Variants in STAB2 observed in about 807,000 individuals in gnomAD.
The protein encoded by STAB2 is stabilin 2, also known as stabilin-2.
STAB2 carries 288 observed loss-of-function variants against 338.1 expected under a neutral mutation model. That is an observed-to-expected ratio of 0.85 (90% CI 0.77 to 0.94). STAB2 has a LOEUF of 0.94. Ranked by LOEUF, STAB2 falls within the 40% of genes least tolerant of loss-of-function variation. The probability of loss-of-function intolerance (pLI) is 0.00; values close to 1 mark genes in which losing one functional copy is unlikely to be tolerated. For missense variants in STAB2, 3,141 were observed against 3,210.1 expected, an observed-to-expected ratio of 0.98 and a Z score of 0.52; for synonymous variants, 1,202 against 1,193.3, an observed-to-expected ratio of 1.01 and a Z score of -0.15.
In STAB2 at chr12:103,594,525, G is replaced by T; in HGVS notation, c.331+15G>T. On this transcript the variant is annotated intron_variant, in intron 3 of 68. Coordinates refer to ENST00000388887, the MANE Select transcript of STAB2 (RefSeq NM_017564.10). ...AGACTGTATAGGTAAGTGGCACAAT[G>T]CTTGGACTTTGAGACTTGCTTCTTG... 1 of 1,593,504 alleles carries T rather than the reference G, an allele frequency of 6.3e-7. No homozygotes were observed. The highest frequency in any genetic ancestry group is 8.6e-7 in the Non-Finnish European group (1 of 1,161,640).
At chr12:103,677,806 G>T (rs1876528670) in intron 25 of STAB2, among the ~76,000 whole-genome samples, 195 bp downstream of exon 25, 1 of 152,144 alleles carries the variant, frequency 6.6e-6, no homozygotes, top group Non-Finnish European at 1.5e-5. Context: ...GGAAATTGAG[G>T]CAATGAGAAG....
chr12:103,672,315 C>A (rs1875878993), intron 22 of STAB2, among the ~76,000 whole-genome samples: 1 of 152,136 alleles, frequency 6.6e-6, no homozygotes, highest in African/African-American at 2.4e-5. Flanking sequence ...AGAAAAAAAT[C>A]AGGGTTTATC....
chr12:103,742,238 A>G (rs1016416406), intron 55 of STAB2, among the ~76,000 whole-genome samples, 167 bp from the exon 56 acceptor site: 3 of 152,196 alleles, frequency 2.0e-5, no homozygotes, highest in African/African-American at 7.2e-5. Flanking sequence ...CAGATACCAT[A>G]AAGTTCATGT....
intron 17 of STAB2, among the ~76,000 whole-genome samples, chr12:103,661,139 C>T (rs1463487266): frequency 6.7e-6 from 1 of 150,012 alleles, no homozygotes; most frequent in Non-Finnish European, 1.5e-5. Flanking sequence ...CCAGGAGGTC[C>T]TCATTGAGGA....
Position 103,706,985 on chromosome 12 carries a change from A to C in STAB2, c.4190A>C (p.Gln1397Pro). The C allele has an allele frequency of 6.2e-7, 1 of 1,614,102 alleles. No individual in the cohort carries two copies. The highest frequency in any genetic ancestry group is 8.5e-7 in the Non-Finnish European group (1 of 1,180,004). Residue 1397 changes from glutamine (Q) to proline (P), a missense_variant and splice_region_variant, in exon 38 of 69, where the codon CAA (glutamine) becomes CCA (proline). Physicochemically the swap from Gln to Pro is moderately conservative, Grantham distance 76. Coordinates refer to ENST00000388887, the MANE Select transcript of STAB2 (RefSeq NM_017564.10). ...GGCAAGTACGGCATCCACTGTGACC[A>C]AGGTGAGCACCGTCCTCTCCACAGA... ...TEGKYGIHCD[Q>P]ACSCVHGRCN...
intron 5 of STAB2, among the ~76,000 whole-genome samples, chr12:103,622,828 C>G (rs1171338716): frequency 6.6e-6 from 1 of 152,228 alleles, no homozygotes; most frequent in African/African-American, 2.4e-5. Context: ...TGTTCTTTGC[C>G]TGCCCAGCTT....
chr12:103,633,196 A>G (rs577606533), intron 6 of STAB2, among the ~76,000 whole-genome samples: 5 of 152,344 alleles, frequency 3.3e-5, no homozygotes, highest in African/African-American at 1.2e-4. Flanking sequence ...TCAGTAAGGC[A>G]GGAGACCCAG....
chr12:103,668,497 C>T (rs551316066), intron 19 of STAB2, 146 bp from the exon 20 acceptor site: 1 of 695,886 alleles, frequency 1.4e-6, no homozygotes, highest in African/African-American at 1.8e-5. Flanking sequence ...CTGATGTAGA[C>T]CCAGGTCTGC....
At position 103,759,306 on chromosome 12, in the gene STAB2, G is replaced by A. The variant is rs761228922; in HGVS notation, c.7248+33G>A. On this transcript the variant is annotated intron_variant, in intron 65 of 68. Coordinates refer to ENST00000388887, the MANE Select transcript of STAB2 (RefSeq NM_017564.10). ...GTCTTCTGGGCTTCTTGGGGGAACG[G>A]GAGATAATGCATGCAAAGTTCCTGG... The A allele has an allele frequency of 8.7e-6, 14 of 1,606,924 alleles. 1 individual carries two copies. In the South Asian group the frequency reaches 1.6e-4, roughly 18 times the overall value.
At chr12:103,719,773 C>T (rs1362551874) in intron 44 of STAB2, among the ~76,000 whole-genome samples, 1 of 152,200 alleles carries the variant, frequency 6.6e-6, no homozygotes, top group East Asian at 1.9e-4. Context: ...CAGTTCAACC[C>T]ACTAGGCTGT....
chr12:103,649,506 A>C (rs1015035594), intron 10 of STAB2, among the ~76,000 whole-genome samples: 1 of 152,242 alleles, frequency 6.6e-6, no homozygotes, highest in Non-Finnish European at 1.5e-5. Context: ...AGCCGTTCTG[A>C]AAAAAGTAAA....
chr12:103,758,507 G>A (rs1372782460), intron 64 of STAB2, among the ~76,000 whole-genome samples: 1 of 152,184 alleles, frequency 6.6e-6, no homozygotes, highest in Non-Finnish European at 1.5e-5. Flanking sequence ...CTGCTCCATG[G>A]AACTCTCATC....
chr12:103,632,986 G>T (rs1399506188), intron 6 of STAB2, among the ~76,000 whole-genome samples: 1 of 152,240 alleles, frequency 6.6e-6, no homozygotes, highest in Non-Finnish European at 1.5e-5. Flanking sequence ...TATTGGAAGC[G>T]GTTGAGATGC....
At chr12:103,630,426 C>T (rs892536352) in intron 5 of STAB2, among the ~76,000 whole-genome samples, 7 of 152,290 alleles carry the variant, frequency 4.6e-5, no homozygotes, top group South Asian at 2.1e-4. Flanking sequence ...AGTTGGCTTA[C>T]GTGCACCGAA....
intron 3 of STAB2, among the ~76,000 whole-genome samples, chr12:103,616,078 A>T (rs917189843): frequency 2.0e-5 from 3 of 152,218 alleles, no homozygotes; most frequent in African/African-American, 7.2e-5. Context: ...CCCTTAGAGG[A>T]ACACCTGCCT....
chr12:103,612,156 A>C (rs1192864315), intron 3 of STAB2, among the ~76,000 whole-genome samples: 2 of 152,046 alleles, frequency 1.3e-5, no homozygotes, highest in Admixed American at 1.3e-4. Context: ...TCTGACAATT[A>C]TGTGTCTTGG....
At chr12:103,737,367 C>T (rs1555250643) in intron 52 of STAB2, among the ~76,000 whole-genome samples, 1 of 152,212 alleles carries the variant, frequency 6.6e-6, no homozygotes, top group Non-Finnish European at 1.5e-5. Context: ...ATAATAGCTA[C>T]ATCCATAGAG....
At chr12:103,758,370 A>T in intron 64 of STAB2, 81 bp downstream of exon 64, 1 of 1,587,860 alleles carries the variant, frequency 6.3e-7, no homozygotes, top group Non-Finnish European at 8.5e-7. Context: ...AAATTACCTG[A>T]AAACTCAGTG....
chr12:103,652,655 ATGTTC>A lies in STAB2; in HGVS notation c.1359_1363del (p.Met453IlefsTer15). ...CATCGAATATATGAATAACACAGAC[ATGTTC>A]TACACCTTGACTGGAAAGTCGGGGG... On this transcript the variant is annotated frameshift_variant, in exon 12 of 69. Transcript: ENST00000388887. LOFTEE classifies it high-confidence loss of function. The A allele has an allele frequency of 1.2e-6, 2 of 1,607,892 alleles. No homozygotes were observed. The highest frequency in any genetic ancestry group is 1.7e-6 in the Non-Finnish European group (2 of 1,177,444).
Sources: gnomAD v4.1 joint callset for allele counts (sites outside exome capture counted in the v4.1 genomes callset) on GRCh38, gnomAD v4.1.1 for gene constraint, MANE v1.5 for transcripts, NCBI Gene and HGNC (gene_info 2026-07-23, HGNC 2026-07-21) for gene names.